Variants in EIF3A observed in about 807,000 individuals in gnomAD.
The protein encoded by EIF3A is EIF3, p180 subunit.
In EIF3A, 21 loss-of-function variants were observed where a neutral mutation model predicts 186.6. The observed-to-expected ratio is 0.11, with a 90% CI of 0.08 to 0.16. EIF3A has a LOEUF of 0.16. Ranked by LOEUF, EIF3A falls within the 10% of genes least tolerant of loss-of-function variation. The pLI is 1.00. For missense variants in EIF3A, 1,306 were observed against 1,796.3 expected, an observed-to-expected ratio of 0.73 and a Z score of 4.93; for synonymous variants, 563 against 584.3, an observed-to-expected ratio of 0.96 and a Z score of 0.52.
intron 7 of EIF3A, 87 bp downstream of exon 7, chr10:119,065,312 G>T: frequency 4.0e-6 from 4 of 996,054 alleles, no homozygotes; most frequent in Non-Finnish European, 4.6e-6. Flanking sequence ...CACTGAATCA[G>T]AATTCCCAGT....
At chr10:119,053,582 A>T (rs1393708278) in intron 14 of EIF3A, among the ~76,000 whole-genome samples, 1 of 141,864 alleles carries the variant, frequency 7.0e-6, no homozygotes, top group Non-Finnish European at 1.5e-5. Flanking sequence ...AAAAAAAGCT[A>T]GGCATGGTGG....
At chr10:119,057,706 C>T (rs1235371184) in intron 12 of EIF3A, among the ~76,000 whole-genome samples, 4 of 152,058 alleles carry the variant, frequency 2.6e-5, no homozygotes, top group Non-Finnish European at 5.9e-5. Context: ...ACCCGGGAGG[C>T]GGAGGTTGCA....
In EIF3A at chr10:119,034,222, CCCT is replaced by C. The variant is rs1848097507; in HGVS notation, c.*1814_*1816del. On this transcript the variant is annotated 3_prime_UTR_variant, in exon 22 of 22. Coordinates refer to ENST00000369144, the MANE Select transcript of EIF3A (RefSeq NM_003750.4). ...AAAGTAACAGCATCAGACTCTTCTG[CCCT>C]CCTCTTGCACTTGGGTTCTGACTCC... is the stretch of plus-strand genomic sequence containing the variant. 3 of 167,000 alleles carry C rather than the reference CCCT, an allele frequency of 1.8e-5. No homozygotes were observed. The highest frequency in any genetic ancestry group is 7.2e-5 in the African/African-American group (3 of 41,432). 10.3% of individuals were successfully genotyped at this position (167,000 alleles called of 1,614,324 possible). A position where few individuals can be genotyped will look rare whatever the true frequency, so the allele number is the denominator to read the frequency against.
chr10:119,071,265 C>A (rs771807595), intron 4 of EIF3A, among the ~76,000 whole-genome samples, 180 bp from the exon 5 acceptor site: 12 of 152,100 alleles, frequency 7.9e-5, no homozygotes, highest in Non-Finnish European at 1.6e-4. Context: ...TGAGTGAGCC[C>A]TAACAAAACC....
intron 7 of EIF3A, among the ~76,000 whole-genome samples, chr10:119,061,858 T>A (rs1038077185): frequency 6.6e-6 from 1 of 152,122 alleles, no homozygotes; most frequent in Non-Finnish European, 1.5e-5. Context: ...ATTACCCCAT[T>A]TATATGGACT....
intron 5 of EIF3A, 73 bp downstream of exon 5, chr10:119,070,813 C>G (rs1329522735): frequency 2.0e-6 from 2 of 1,024,334 alleles, no homozygotes; most frequent in Non-Finnish European, 1.5e-6. Flanking sequence ...CAAGATGAAG[C>G]TATTCATTAA....
intron 4 of EIF3A, among the ~76,000 whole-genome samples, chr10:119,072,112 G>A (rs935308328): frequency 6.7e-6 from 1 of 150,248 alleles, no homozygotes; most frequent in Non-Finnish European, 1.5e-5. Flanking sequence ...CACTTTGGGA[G>A]GCTGAAGCAA....
At chr10:119,056,555 C>A (rs1843786321) in intron 14 of EIF3A, among the ~76,000 whole-genome samples, 185 bp downstream of exon 14, 1 of 152,086 alleles carries the variant, frequency 6.6e-6, no homozygotes, top group Non-Finnish European at 1.5e-5. Flanking sequence ...CTTTGTTTTC[C>A]AAGTTTCGTT....
intron 21 of EIF3A, 39 bp downstream of exon 21, chr10:119,037,080 A>T: frequency 1.9e-5 from 7 of 360,984 alleles, no homozygotes; most frequent in Non-Finnish European, 3.3e-5. Context: ...CCCAGAAACG[A>T]CAGTTCTCCA....
chr10:119,058,459 T>C (rs753102264), intron 11 of EIF3A, among the ~76,000 whole-genome samples, 156 bp from the exon 12 acceptor site: 46 of 152,246 alleles, frequency 3.0e-4, no homozygotes, highest in Non-Finnish European at 5.9e-4. Flanking sequence ...GTTTTCGGTA[T>C]TAAATGCTAT....
chr10:119,059,577 C>T, intron 10 of EIF3A, 25 bp downstream of exon 10: 1 of 1,564,236 alleles, frequency 6.4e-7, no homozygotes, highest in Non-Finnish European at 8.8e-7. Context: ...GGGCCTTCTC[C>T]TGTCTCCTTA....
rs766037789 is a variant in EIF3A, at chr10:119,036,169, TCTCGGTCTCTTG to T, written c.4007_4018del (p.Ser1336_Glu1340delinsTer). 7 of 1,613,792 alleles carry T rather than the reference TCTCGGTCTCTTG, an allele frequency of 4.3e-6. No homozygotes were observed. The highest frequency in any genetic ancestry group is 5.9e-6 in the Non-Finnish European group (7 of 1,179,968). ...TTCTCTTTCTCGGTCTCGGTCTCTT[TCTCGGTCTCTTG>T]AAAGAGCTGGGGGAGGAACTCGACG... On this transcript the variant is annotated stop_gained and inframe_deletion, in exon 22 of 22. Transcript: ENST00000369144. LOFTEE classifies it high-confidence loss of function.
chr10:119,053,768 C>T (rs537663730), intron 14 of EIF3A, among the ~76,000 whole-genome samples: 18 of 152,312 alleles, frequency 1.2e-4, no homozygotes, highest in Admixed American at 1.2e-3. Flanking sequence ...CCTTCATCAA[C>T]TATCTCAGCC....
chr10:119,080,476 C>G, intron 1 of EIF3A, 152 bp downstream of exon 1: 1 of 1,389,378 alleles, frequency 7.2e-7, no homozygotes, highest in Non-Finnish European at 9.3e-7. Flanking sequence ...GAAACCCATG[C>G]CCAACCACCG....
At chr10:119,056,665 C>G (rs1425030965) in intron 14 of EIF3A, 75 bp downstream of exon 14, 1 of 965,782 alleles carries the variant, frequency 1.0e-6, no homozygotes, top group Non-Finnish European at 1.6e-6. Context: ...TAAAGCAATT[C>G]TGAATCCTTG....
chr10:119,056,417 G>C (rs537802434), intron 14 of EIF3A, among the ~76,000 whole-genome samples: 2 of 152,278 alleles, frequency 1.3e-5, no homozygotes, highest in East Asian at 1.9e-4. Flanking sequence ...TTTAAAATTA[G>C]ATTGTGGAGA....
intron 1 of EIF3A, among the ~76,000 whole-genome samples, chr10:119,078,411 G>A (rs1478590582): frequency 6.6e-6 from 1 of 152,110 alleles, no homozygotes; most frequent in Non-Finnish European, 1.5e-5. Flanking sequence ...ATTTTATTAA[G>A]ACAATGCAAT....
rs572178027 is a variant in EIF3A at position 119,057,871 on chromosome 10, GC to G, written c.1977+84del. 5.0e-4 allele frequency: 534 copies of G among 1,067,142 alleles called. 2 individuals carry two copies. The East Asian group carries it at 0.012, about 25-fold the overall frequency. 66.1% of individuals were successfully genotyped at this position (1,067,142 alleles called of 1,614,324 possible). On this transcript the variant is annotated intron_variant, in intron 12 of 21. Transcript: ENST00000369144. ...CAAAATGCATGAAATAACCCAGTAA[GC>G]CAACAAATGGTAAAGGACTGTGGTT...
intron 15 of EIF3A, 91 bp from the exon 16 acceptor site, chr10:119,050,765 C>G: frequency 7.2e-7 from 1 of 1,391,946 alleles, no homozygotes; most frequent in Non-Finnish European, 1.0e-6. Flanking sequence ...AAAAGACTCT[C>G]AAGTGTATCA....
Sources: allele counts gnomAD v4.1 joint callset (sites outside exome capture counted in the v4.1 genomes callset), GRCh38; gene constraint gnomAD v4.1.1; transcripts MANE v1.5; gene names NCBI Gene and HGNC (gene_info 2026-07-23, HGNC 2026-07-21).